MORN1: variants seen among roughly 807,000 people sequenced by gnomAD.
MORN1 encodes the protein MORN repeat-containing protein 1.
A neutral mutation model predicts 61.9 loss-of-function variants in MORN1; 67 were observed. The ratio of observed to expected loss-of-function variants is 1.08; its 90% CI spans 0.89 to 1.33. The LOEUF is 1.33. Ranked by LOEUF, MORN1 falls within the 40% of genes most tolerant of loss-of-function variation. The pLI is 0.00. For missense variants in MORN1, 752 were observed against 691.2 expected (o/e 1.09, Z -0.99); for synonymous variants, 301 against 292.0 (o/e 1.03, Z -0.31).
intron 12 of MORN1, among the ~76,000 whole-genome samples, chr1:2,333,380 C>A (rs978830697): frequency 3.9e-5 from 6 of 152,180 alleles, no homozygotes; most frequent in African/African-American, 1.4e-4. Context: ...GGGTCCCCAG[C>A]GATGGCAACT....
At chr1:2,324,049 T>C in intron 13 of MORN1, 48 bp downstream of exon 13, 1 of 1,563,154 alleles carries the variant, frequency 6.4e-7, no homozygotes. Flanking sequence ...GCCTCGCCTC[T>C]CCAGACAGTG....
chr1:2,380,003 G>A (rs2100355707), intron 6 of MORN1, among the ~76,000 whole-genome samples: 1 of 152,366 alleles, frequency 6.6e-6, no homozygotes, highest in South Asian at 2.1e-4. Context: ...GATGGGCAGA[G>A]AAGCGTGTCT....
intron 6 of MORN1, chr1:2,375,433 G>C (rs974384811): frequency 3.3e-5 from 5 of 152,602 alleles, no homozygotes; most frequent in Admixed American, 2.6e-4. Flanking sequence ...CCGAGGGCCA[G>C]GGCTGAGGAG....
At chr1:2,387,591 G>A in intron 3 of MORN1, 62 bp from the exon 4 acceptor site, 3 of 1,203,048 alleles carry the variant, frequency 2.5e-6, no homozygotes, top group Non-Finnish European at 2.4e-6. Flanking sequence ...GCCCCAGTCG[G>A]CTCTCCTCTG....
chr1:2,325,601 G>A lies in MORN1; in HGVS notation c.1251-1458C>T, dbSNP rs564608392. ...GGCTCAGGAGAATCCTTCCACCTCC[G>A]CCTCCCAAAGTGCTGGGATCACTGC... is the stretch of plus-strand genomic sequence containing the variant. On this transcript the variant is annotated intron_variant, in intron 12 of 13. Transcript: ENST00000378531. Among the ~76,000 whole-genome samples the A allele has an allele frequency of 7.5e-5, 11 of 147,474 alleles. 1 individual carries two copies. The highest frequency in any genetic ancestry group is 2.5e-4 in the African/African-American group (10 of 39,686).
At chr1:2,344,054 C>T (rs1641458078) in intron 10 of MORN1, among the ~76,000 whole-genome samples, 1 of 152,096 alleles carries the variant, frequency 6.6e-6, no homozygotes, top group Non-Finnish European at 1.5e-5. Flanking sequence ...GCCTTCTTTC[C>T]CATCTGGAGC....
chr1:2,321,801 T>A (rs1037369838), intron 13 of MORN1, among the ~76,000 whole-genome samples: 2 of 151,876 alleles, frequency 1.3e-5, no homozygotes, highest in South Asian at 2.1e-4. Flanking sequence ...ATAAACTAAT[T>A]TGGGGTAAAG....
chr1:2,390,752 CT>C (rs35593344), intron 1 of MORN1: 50,591 of 781,998 alleles, frequency 0.065, 63 homozygotes, highest in South Asian at 0.12. Flanking sequence ...AAAACCTGCT[CT>C]TTTTTTTTTT....
intron 10 of MORN1, among the ~76,000 whole-genome samples, chr1:2,343,911 G>A (rs1339052090): frequency 1.3e-5 from 2 of 151,978 alleles, no homozygotes; most frequent in African/African-American, 4.8e-5. Flanking sequence ...TGTCTGCTGG[G>A]CGGGATTCCC....
At chr1:2,349,634 A>G (rs939513029) in intron 10 of MORN1, among the ~76,000 whole-genome samples, 1 of 152,210 alleles carries the variant, frequency 6.6e-6, no homozygotes, top group African/African-American at 2.4e-5. Context: ...AATTAACCAT[A>G]GACAATTAAT....
intron 12 of MORN1, chr1:2,332,771 C>T (rs1166527922): frequency 4.4e-6 from 2 of 456,034 alleles, no homozygotes; most frequent in East Asian, 1.4e-4. Flanking sequence ...GGGTGAAAAC[C>T]TCCATGAGTG....
Position 2,337,586 on chromosome 1 carries a change from C to T in MORN1, c.1037-736G>A, listed in dbSNP as rs1351522153. ...GCCCCCAGGGCCCACCCTGCTGTCTCTTTTACAAGGATGGTCAGTGGCTGA... is the reference window on the plus strand; with the variant it reads ...GCCCCCAGGGCCCACCCTGCTGTCTTTTTTACAAGGATGGTCAGTGGCTGA... On this transcript the variant is annotated intron_variant, in intron 10 of 13. Coordinates refer to ENST00000378531, the MANE Select transcript of MORN1 (RefSeq NM_024848.3). The surrounding 1 kb of genome is among the most constrained non-coding windows in gnomAD (Gnocchi z 5.7). 2.0e-5 allele frequency among the ~76,000 whole-genome samples: 3 copies of T among 152,202 alleles called. No homozygotes were observed. Among genetic ancestry groups the T allele is most frequent in the Non-Finnish European group, 4.4e-5 (3 of 68,036 alleles).
rs568275823 is a variant in MORN1 at position 2,334,235 on chromosome 1, TG to T, written c.1250+2233del. On this transcript the variant is annotated intron_variant, in intron 12 of 13. Transcript: ENST00000378531. The surrounding 1 kb of genome is among the most constrained non-coding windows in gnomAD (Gnocchi z 5.4). The stretch of plus-strand genomic sequence containing the variant: ...GCCACAGTTGAGGGCCTCTGGGTGG[TG>T]GGGGGGCAGCAGGTGTAAGAACGGT... Among the ~76,000 whole-genome samples the T allele has an allele frequency of 2.0e-5, 3 of 146,724 alleles. No individual in the cohort carries two copies. Among genetic ancestry groups the T allele is most frequent in the African/African-American group, 7.6e-5 (3 of 39,642 alleles).
chr1:2,386,229 C>T (rs1006885807), intron 4 of MORN1: 33 of 335,824 alleles, frequency 9.8e-5, no homozygotes, highest in African/African-American at 3.1e-4. Context: ...ACAGGCTCTG[C>T]GTGCTGCTGG....
intron 8 of MORN1, among the ~76,000 whole-genome samples, chr1:2,365,000 C>T (rs1346049559): frequency 4.6e-5 from 7 of 152,182 alleles, no homozygotes; most frequent in African/African-American, 7.2e-5. Flanking sequence ...AGCATGATAC[C>T]TCCAGCTTTG....
chr1:2,378,778 G>A (rs1557890386), intron 6 of MORN1: 1 of 374,964 alleles, frequency 2.7e-6, no homozygotes, highest in Middle Eastern at 9.5e-4. Context: ...CAAGCCCTCG[G>A]GTCCTGGGAG....
rs997830371 is a variant in MORN1, at chr1:2,334,656, C to T, written c.1250+1813G>A. Among the ~76,000 whole-genome samples the T allele has an allele frequency of 5.9e-5, 9 of 152,264 alleles. No individual in the cohort carries two copies. Among genetic ancestry groups the T allele is most frequent in the African/African-American group, 1.4e-4 (6 of 41,548 alleles). On this transcript the variant is annotated intron_variant, in intron 12 of 13. Transcript: ENST00000378531. This position sits in a 1 kb window ranked among gnomAD's most constrained non-coding sequence, Gnocchi z 5.4. Reference sequence around the variant, plus strand: ...GTCACAGATGTGTGCCCCGAAGAGACGACATCATTTGAACACTGAACACTC... The same window carrying T: ...GTCACAGATGTGTGCCCCGAAGAGATGACATCATTTGAACACTGAACACTC...
At chr1:2,349,405 G>A (rs1038433813) in intron 10 of MORN1, among the ~76,000 whole-genome samples, 7 of 152,070 alleles carry the variant, frequency 4.6e-5, no homozygotes, top group African/African-American at 1.2e-4. Flanking sequence ...TCCCAGTCCC[G>A]GCCCCTCTGA....
chr1:2,391,371 C>A (rs932567980), intron 1 of MORN1, 87 bp downstream of exon 1: 12 of 1,232,304 alleles, frequency 9.7e-6, no homozygotes, highest in Non-Finnish European at 1.2e-5. Flanking sequence ...CCGAGGTGAG[C>A]ATTTGGGGGT....
Sources: allele counts gnomAD v4.1 joint callset (sites outside exome capture counted in the v4.1 genomes callset), GRCh38; gene constraint gnomAD v4.1.1; non-coding constraint Gnocchi (gnomAD v3.1); transcripts MANE v1.5; gene names NCBI Gene and HGNC (gene_info 2026-07-23, HGNC 2026-07-21).